KDM4C: variants seen among roughly 807,000 people sequenced by gnomAD.
KDM4C encodes lysine demethylase 4C.
In KDM4C, 81 loss-of-function variants were observed where a neutral mutation model predicts 129.3. The ratio of observed to expected loss-of-function variants is 0.63; its 90% CI spans 0.52 to 0.75. The LOEUF is 0.75. Among genes scored for constraint, KDM4C ranks in the 30% least tolerant of loss-of-function variants. The probability of loss-of-function intolerance (pLI) is 0.00; values close to 1 mark genes in which losing one functional copy is unlikely to be tolerated. For synonymous variants in KDM4C, 573 were observed against 456.1 expected, an observed-to-expected ratio of 1.26 and a Z score of -3.26; for missense variants, 1,457 against 1,304.0, an observed-to-expected ratio of 1.12 and a Z score of -1.81.
chr9:7,042,072 C>T (rs778049152), intron 15 of KDM4C, among the ~76,000 whole-genome samples: 2 of 152,048 alleles, frequency 1.3e-5, no homozygotes, highest in Admixed American at 6.6e-5. Context: ...TCTAGAACCA[C>T]AGTTAATCTT....
intron 17 of KDM4C, among the ~76,000 whole-genome samples, chr9:7,097,614 A>T (rs1836591891): frequency 6.6e-6 from 1 of 152,030 alleles, no homozygotes; most frequent in Non-Finnish European, 1.5e-5. Context: ...TGCTCAGTAG[A>T]ATGGTTTGAG....
At chr9:7,109,421 C>G (rs1308656941) in intron 18 of KDM4C, among the ~76,000 whole-genome samples, 1 of 152,136 alleles carries the variant, frequency 6.6e-6, no homozygotes, top group Non-Finnish European at 1.5e-5. Context: ...TTTTAGAAAG[C>G]CTGTTTCCTC....
At chr9:6,865,675 T>C (rs1337351996) in intron 5 of KDM4C, among the ~76,000 whole-genome samples, 2 of 152,180 alleles carry the variant, frequency 1.3e-5, no homozygotes, top group African/African-American at 4.8e-5. Context: ...CAAGCAATTC[T>C]GCTGCCTCAG....
intron 17 of KDM4C, among the ~76,000 whole-genome samples, chr9:7,083,286 A>C (rs915789163): frequency 6.6e-6 from 1 of 152,354 alleles, no homozygotes; most frequent in South Asian, 2.1e-4. Flanking sequence ...AAATACTCCA[A>C]TGGGCATTTC....
At chr9:6,926,333 A>G (rs1330164968) in intron 8 of KDM4C, among the ~76,000 whole-genome samples, 8 of 104,392 alleles carry the variant, frequency 7.7e-5, no homozygotes, top group African/African-American at 1.1e-4. Flanking sequence ...TTGTAGAGAG[A>G]TAATTTGTAA....
intron 8 of KDM4C, among the ~76,000 whole-genome samples, chr9:6,976,320 A>C (rs1832900876): frequency 6.6e-6 from 1 of 152,196 alleles, no homozygotes. Context: ...ATGAAGTCAT[A>C]ATACAAGTTA....
At chr9:6,880,154 C>T (rs1844213428) in intron 6 of KDM4C, 93 bp downstream of exon 6, 2 of 673,708 alleles carry the variant, frequency 3.0e-6, no homozygotes, top group Middle Eastern at 3.9e-4. Context: ...ACAATATAGA[C>T]CGTTACTCTG....
intron 1 of KDM4C, among the ~76,000 whole-genome samples, chr9:6,792,064 G>A (rs1427502955): frequency 6.6e-6 from 1 of 151,990 alleles, no homozygotes; most frequent in African/African-American, 2.4e-5. Flanking sequence ...TTACGTCTGG[G>A]CTCGGTAGCT....
intron 5 of KDM4C, among the ~76,000 whole-genome samples, chr9:6,873,303 C>T (rs1843049134): frequency 6.6e-6 from 1 of 152,146 alleles, no homozygotes; most frequent in Admixed American, 6.6e-5. Flanking sequence ...ATGCCCGTCC[C>T]TTTGAAGCTT....
chr9:7,022,966 T>C (rs1372090477), intron 15 of KDM4C, among the ~76,000 whole-genome samples: 3 of 152,242 alleles, frequency 2.0e-5, no homozygotes, highest in Non-Finnish European at 2.9e-5. Context: ...TTTGCATATG[T>C]TGAATCATCC....
At chr9:6,869,287 C>T (rs371086531) in intron 5 of KDM4C, among the ~76,000 whole-genome samples, 2 of 152,166 alleles carry the variant, frequency 1.3e-5, no homozygotes, top group Admixed American at 6.5e-5. Context: ...CGGCTGAGCT[C>T]TAGCTGAGTT....
chr9:7,102,116 G>C (rs1262308001), intron 17 of KDM4C, among the ~76,000 whole-genome samples: 1 of 152,128 alleles, frequency 6.6e-6, no homozygotes, highest in Non-Finnish European at 1.5e-5. Flanking sequence ...GTATATATGT[G>C]TGTGATTTTT....
intron 8 of KDM4C, among the ~76,000 whole-genome samples, chr9:6,920,844 G>A (rs1821373652): frequency 1.3e-5 from 2 of 152,088 alleles, no homozygotes; most frequent in Non-Finnish European, 2.9e-5. Flanking sequence ...AGGGACTGGG[G>A]CCAGGAGGAA....
intron 19 of KDM4C, among the ~76,000 whole-genome samples, chr9:7,141,951 C>T (rs929667430): frequency 7.2e-5 from 11 of 152,106 alleles, no homozygotes; most frequent in African/African-American, 2.7e-4. Context: ...CACATAAACC[C>T]CATTAACTAA....
chr9:7,128,512 A>G (rs895501996), intron 19 of KDM4C, among the ~76,000 whole-genome samples: 1 of 152,164 alleles, frequency 6.6e-6, no homozygotes, highest in Non-Finnish European at 1.5e-5. Flanking sequence ...CATTGGCAAC[A>G]CCTGAATTTT....
At chr9:6,803,914 T>C (rs1225504252) in intron 2 of KDM4C, among the ~76,000 whole-genome samples, 1 of 152,098 alleles carries the variant, frequency 6.6e-6, no homozygotes, top group Non-Finnish European at 1.5e-5. Flanking sequence ...CTCCACCTCC[T>C]GGGTTCAAAG....
At chr9:6,920,281 C>T (rs1821240069) in intron 8 of KDM4C, among the ~76,000 whole-genome samples, 2 of 152,092 alleles carry the variant, frequency 1.3e-5, no homozygotes, top group African/African-American at 4.8e-5. Context: ...GTCTGAAAAA[C>T]AGTTCAAAAA....
chr9:6,765,714 C>T (rs62566535), intron 1 of KDM4C, among the ~76,000 whole-genome samples: 1 of 149,824 alleles, frequency 6.7e-6, no homozygotes, highest in African/African-American at 2.5e-5. Context: ...CCATCGTGAC[C>T]CAACACACAT....
intron 13 of KDM4C, among the ~76,000 whole-genome samples, chr9:7,013,543 A>G (rs995272201): frequency 2.6e-5 from 4 of 152,250 alleles, no homozygotes; most frequent in East Asian, 1.9e-4. Context: ...CAGTTTTAGT[A>G]GCCAGTTGCT....
Sources: allele counts gnomAD v4.1 joint callset (sites outside exome capture counted in the v4.1 genomes callset), GRCh38; gene constraint gnomAD v4.1.1; transcripts MANE v1.5; gene names NCBI Gene and HGNC (gene_info 2026-07-23, HGNC 2026-07-21).